WDR7: variants seen among roughly 807,000 people sequenced by gnomAD.
WDR7 encodes the protein WD repeat-containing protein 7.
A neutral mutation model predicts 169.4 loss-of-function variants in WDR7; 46 were observed. That is an observed-to-expected ratio of 0.27 (90% CI 0.21 to 0.35). The LOEUF is 0.35. Ranked by LOEUF, WDR7 falls within the 10% of genes least tolerant of loss-of-function variation. The probability of loss-of-function intolerance (pLI) is 1.00; values close to 1 mark genes in which losing one functional copy is unlikely to be tolerated. For synonymous variants in WDR7, 612 were observed against 666.8 expected, an observed-to-expected ratio of 0.92 and a Z score of 1.27; for missense variants, 1,534 against 1,859.3, an observed-to-expected ratio of 0.83 and a Z score of 3.22.
At chr18:56,788,456 G>T (rs965042487) in intron 19 of WDR7, among the ~76,000 whole-genome samples, 1 of 151,990 alleles carries the variant, frequency 6.6e-6, no homozygotes, top group African/African-American at 2.4e-5. Context: ...GTGTTGTAGG[G>T]GTGTGGATGC....
chr18:56,842,311 C>G (rs1255132833), intron 20 of WDR7, among the ~76,000 whole-genome samples: 4 of 141,328 alleles, frequency 2.8e-5, no homozygotes, highest in Non-Finnish European at 6.0e-5. Flanking sequence ...AGAGAGTTCC[C>G]CTGTGTGCAT....
At chr18:56,747,170 A>G (rs2144886714) in intron 14 of WDR7, among the ~76,000 whole-genome samples, 1 of 152,314 alleles carries the variant, frequency 6.6e-6, no homozygotes, top group East Asian at 1.9e-4. Context: ...GTCCCCTGAT[A>G]GCTAGAATTA....
At chr18:57,019,336 CATT>C (rs1210021457) in intron 26 of WDR7, among the ~76,000 whole-genome samples, 3 of 152,160 alleles carry the variant, frequency 2.0e-5, no homozygotes, top group African/African-American at 7.2e-5. Flanking sequence ...TAGATATTAT[CATT>C]ATCATCATCA....
chr18:56,940,662 A>G (rs1599176397), intron 25 of WDR7, among the ~76,000 whole-genome samples: 1 of 152,082 alleles, frequency 6.6e-6, no homozygotes, highest in South Asian at 2.1e-4. Flanking sequence ...ACTATTTTCA[A>G]TGGGAATGTC....
intron 22 of WDR7, among the ~76,000 whole-genome samples, chr18:56,934,347 G>A (rs1352846798): frequency 1.3e-5 from 2 of 151,972 alleles, no homozygotes; most frequent in Non-Finnish European, 2.9e-5. Flanking sequence ...TTGCTTTCTC[G>A]CAAAACACCT....
intron 26 of WDR7, among the ~76,000 whole-genome samples, chr18:57,020,508 C>G (rs1019452114): frequency 1.3e-5 from 2 of 152,162 alleles, no homozygotes; most frequent in Admixed American, 6.5e-5. Context: ...TCATGCTGCC[C>G]TCCCCAACTA....
At chr18:56,775,074 G>A (rs931989930) in intron 16 of WDR7, among the ~76,000 whole-genome samples, 3 of 151,926 alleles carry the variant, frequency 2.0e-5, no homozygotes, top group Non-Finnish European at 4.4e-5. Context: ...TTCCTTATAG[G>A]AATCATTAAT....
chr18:56,913,840 T>C (rs2046586393), intron 21 of WDR7, among the ~76,000 whole-genome samples: 1 of 152,054 alleles, frequency 6.6e-6, no homozygotes, highest in African/African-American at 2.4e-5. Flanking sequence ...CACTACTCCA[T>C]GACTCCTGTT....
At chr18:56,741,552 A>G (rs764632188) in intron 14 of WDR7, among the ~76,000 whole-genome samples, 1 of 152,168 alleles carries the variant, frequency 6.6e-6, no homozygotes, top group Non-Finnish European at 1.5e-5. Flanking sequence ...ACACGTAGAA[A>G]ATTACACTAT....
chr18:56,875,344 T>C (rs2046008552), intron 20 of WDR7, among the ~76,000 whole-genome samples: 1 of 152,178 alleles, frequency 6.6e-6, no homozygotes, highest in African/African-American at 2.4e-5. Context: ...CACTGTAATC[T>C]CTCATCTTGA....
At chr18:56,946,879 A>G (rs1361767483) in intron 25 of WDR7, among the ~76,000 whole-genome samples, 1 of 152,220 alleles carries the variant, frequency 6.6e-6, no homozygotes, top group Non-Finnish European at 1.5e-5. Context: ...TTACGTAGCT[A>G]TAGATATTTT....
intron 26 of WDR7, among the ~76,000 whole-genome samples, chr18:56,993,838 T>C (rs2047854329): frequency 6.6e-6 from 1 of 152,154 alleles, no homozygotes; most frequent in South Asian, 2.1e-4. Flanking sequence ...TGGATACATA[T>C]TTGGCAGAAA....
At chr18:56,656,104 G>C (rs2024763825) in intron 1 of WDR7, among the ~76,000 whole-genome samples, 1 of 151,884 alleles carries the variant, frequency 6.6e-6, no homozygotes, top group Non-Finnish European at 1.5e-5. Context: ...CATTTTTTGG[G>C]GGATAAATGC....
chr18:56,704,803 A>G (rs886672115), intron 12 of WDR7, among the ~76,000 whole-genome samples: 1 of 152,202 alleles, frequency 6.6e-6, no homozygotes, highest in Non-Finnish European at 1.5e-5. Context: ...ATCTTAAATC[A>G]TATTGCTGAT....
chr18:56,936,441 A>C (rs1204346543), intron 23 of WDR7, among the ~76,000 whole-genome samples: 1 of 152,234 alleles, frequency 6.6e-6, no homozygotes, highest in Non-Finnish European at 1.5e-5. Context: ...TGAGCCAATT[A>C]TAGGAACTTT....
chr18:56,670,385 A>C (rs1468508403), intron 1 of WDR7, among the ~76,000 whole-genome samples: 1 of 152,186 alleles, frequency 6.6e-6, no homozygotes, highest in Non-Finnish European at 1.5e-5. Flanking sequence ...TAAGCCAGGC[A>C]GTATGTACTG....
At chr18:56,946,914 G>T (rs9952265) in intron 25 of WDR7, among the ~76,000 whole-genome samples, 1 of 152,030 alleles carries the variant, frequency 6.6e-6, no homozygotes. Flanking sequence ...AGTAAAAGTT[G>T]TAAAAATCAC....
chr18:56,886,925 C>T (rs2046204723), intron 21 of WDR7, among the ~76,000 whole-genome samples: 1 of 152,104 alleles, frequency 6.6e-6, no homozygotes, highest in African/African-American at 2.4e-5. Flanking sequence ...AGGAAAATAT[C>T]ACAATTTTAA....
intron 20 of WDR7, among the ~76,000 whole-genome samples, chr18:56,857,695 G>GA (rs2145396353): frequency 6.6e-6 from 1 of 152,176 alleles, no homozygotes; most frequent in African/African-American, 2.4e-5. Context: ...CACACCCTGG[G>GA]ACACCCTGGA....
Sources: allele counts gnomAD v4.1 joint callset (sites outside exome capture counted in the v4.1 genomes callset), GRCh38; gene constraint gnomAD v4.1.1; transcripts MANE v1.5; gene names NCBI Gene and HGNC (gene_info 2026-07-23, HGNC 2026-07-21).